The following UNC79 variants were observed in gnomAD, a reference collection of about 807,000 sequenced individuals.
UNC79 encodes the protein protein unc-79 homolog.
Under a neutral mutation model 283.1 loss-of-function variants are expected in UNC79, and 37 were observed. That is an observed-to-expected ratio of 0.13 (90% CI 0.10 to 0.17). The LOEUF is 0.17. Ranked by LOEUF, UNC79 falls within the 10% of genes least tolerant of loss-of-function variation. The pLI is 1.00. For missense variants in UNC79, 2,272 were observed against 3,211.1 expected, an observed-to-expected ratio of 0.71 and a Z score of 7.07; for synonymous variants, 1,107 against 1,200.2, an observed-to-expected ratio of 0.92 and a Z score of 1.61.
At chr14:93,372,860 ACATGTT>A (rs2054481665) in intron 1 of UNC79, among the ~76,000 whole-genome samples, 1 of 152,234 alleles carries the variant, frequency 6.6e-6, no homozygotes, top group African/African-American at 2.4e-5. Context: ...ACAGCAGAGT[ACATGTT>A]CTTCTCAAGG....
intron 1 of UNC79, among the ~76,000 whole-genome samples, chr14:93,340,263 A>C (rs562959214): frequency 6.6e-6 from 1 of 152,268 alleles, no homozygotes; most frequent in South Asian, 2.1e-4. Context: ...TAACGCGGTG[A>C]AATGCCATCT....
At chr14:93,673,137 A>G (rs973881766) in intron 40 of UNC79, among the ~76,000 whole-genome samples, 1 of 152,304 alleles carries the variant, frequency 6.6e-6, no homozygotes, top group East Asian at 1.9e-4. Context: ...CTTATCCATT[A>G]AATTATTTGT....
intron 7 of UNC79, among the ~76,000 whole-genome samples, chr14:93,505,356 A>G (rs921886092): frequency 1.3e-5 from 2 of 152,060 alleles, no homozygotes; most frequent in African/African-American, 4.8e-5. Flanking sequence ...GGTGTATACA[A>G]GTTTAGAATG....
intron 1 of UNC79, among the ~76,000 whole-genome samples, chr14:93,415,793 C>G (rs924197439): frequency 6.6e-6 from 1 of 150,854 alleles, no homozygotes; most frequent in Non-Finnish European, 1.5e-5. Context: ...TCTAGATTTT[C>G]TAGTTTATTT....
intron 14 of UNC79, among the ~76,000 whole-genome samples, chr14:93,565,859 C>T (rs2062844971): frequency 6.6e-6 from 1 of 152,198 alleles, no homozygotes; most frequent in Non-Finnish European, 1.5e-5. Flanking sequence ...ATCCATCCTG[C>T]ATGGGTGACT....
At chr14:93,534,596 G>A (rs7151505) in intron 11 of UNC79, among the ~76,000 whole-genome samples, 83,354 of 151,868 alleles carry the variant, frequency 0.55, 23,145 homozygotes, top group Admixed American at 0.63. Context: ...ATTAGACATC[G>A]CCTTATAACT....
rs2057682360 is a variant in UNC79 at position 93,474,390 on chromosome 14, C to T, written c.445C>T (p.His149Tyr). The change falls in exon 3 of 49, where the codon CAC becomes TAC. Residue 149 changes from histidine to tyrosine, a missense_variant. This residue lies in a region of UNC79 where 194 missense variants were observed against 268.9 expected (regional missense o/e 0.72). Coordinates refer to ENST00000555664, the Ensembl canonical transcript of UNC79. The surrounding 1 kb of genome is among the most constrained non-coding windows in gnomAD (Gnocchi z 4.1). ...AGTTCCTTTACTACAGCACGGCCAACACGGTGAGCACTTAGCTGAAACCTT... is the reference window on the plus strand; with the variant it reads ...AGTTCCTTTACTACAGCACGGCCAATACGGTGAGCACTTAGCTGAAACCTT... 6.5e-7 allele frequency: 1 copy of T among 1,533,816 alleles called. No homozygotes were observed. The highest frequency in any genetic ancestry group is 2.0e-5 in the Admixed American group (1 of 50,926).
At chr14:93,347,576 G>A (rs904116459) in intron 1 of UNC79, among the ~76,000 whole-genome samples, 5 of 152,136 alleles carry the variant, frequency 3.3e-5, no homozygotes, top group Admixed American at 1.3e-4. Flanking sequence ...CCTGGGAGAG[G>A]GTCGCGGTGA....
At chr14:93,702,618 A>T (rs552846430) in intron 47 of UNC79, among the ~76,000 whole-genome samples, 10 of 152,214 alleles carry the variant, frequency 6.6e-5, no homozygotes, top group Admixed American at 1.3e-4. Context: ...TATGGCTATG[A>T]CTAACTTTGA....
At chr14:93,600,809 T>C in intron 25 of UNC79, 39 bp downstream of exon 25, 1 of 1,599,416 alleles carries the variant, frequency 6.3e-7, no homozygotes, top group African/African-American at 1.3e-5. Flanking sequence ...CCGTTGCAGT[T>C]CCCATTGTGC....
chr14:93,361,211 C>CAAAAAAAAAAAAAAAAAAAAAAAAAAAA (rs58267219), intron 1 of UNC79, among the ~76,000 whole-genome samples: 1 of 54,382 alleles, frequency 1.8e-5, no homozygotes, highest in African/African-American at 7.5e-5. Flanking sequence ...GACTCTGTCT[C>CAAAAAAAAAAAAAAAAAAAAAAAAAAAA]AAAAAAAAAA....
chr14:93,655,018 T>C (rs889707764), intron 37 of UNC79, among the ~76,000 whole-genome samples: 3 of 152,206 alleles, frequency 2.0e-5, no homozygotes, highest in Non-Finnish European at 2.9e-5. Context: ...TTCCTATTTC[T>C]TGCTCACTTT....
chr14:93,482,900 C>G (rs2058212827), intron 4 of UNC79, among the ~76,000 whole-genome samples: 1 of 152,190 alleles, frequency 6.6e-6, no homozygotes, highest in Admixed American at 6.5e-5. Context: ...TCTTACAAAT[C>G]AAATTCAGTG....
intron 1 of UNC79, among the ~76,000 whole-genome samples, chr14:93,371,206 G>A (rs913857694): frequency 2.3e-4 from 35 of 151,918 alleles, no homozygotes; most frequent in African/African-American, 6.0e-4. Flanking sequence ...TGGCTAACAC[G>A]GTGAAACTCC....
intron 26 of UNC79, among the ~76,000 whole-genome samples, chr14:93,608,181 C>T (rs1181662696): frequency 6.6e-6 from 1 of 152,122 alleles, no homozygotes; most frequent in Admixed American, 6.5e-5. Flanking sequence ...TATTTTTCAC[C>T]TGCTGGACTA....
intron 1 of UNC79, among the ~76,000 whole-genome samples, chr14:93,457,905 T>C (rs2140199282): frequency 6.6e-6 from 1 of 152,134 alleles, no homozygotes; most frequent in East Asian, 1.9e-4. Flanking sequence ...ATGAAGGATG[T>C]AAAAATAGTG....
At chr14:93,693,582 T>C (rs946284366) in intron 46 of UNC79, among the ~76,000 whole-genome samples, 3 of 152,220 alleles carry the variant, frequency 2.0e-5, no homozygotes, top group Non-Finnish European at 4.4e-5. Context: ...ATGAGGGACA[T>C]CACCTCTACT....
At chr14:93,570,977 A>G (rs2063174343) in intron 14 of UNC79, among the ~76,000 whole-genome samples, 1 of 152,220 alleles carries the variant, frequency 6.6e-6, no homozygotes, top group South Asian at 2.1e-4. Flanking sequence ...CAACAACACA[A>G]CAGAAATTAT....
intron 22 of UNC79, among the ~76,000 whole-genome samples, chr14:93,592,899 A>C (rs1304620321): frequency 2.6e-5 from 4 of 152,028 alleles, no homozygotes; most frequent in African/African-American, 4.8e-5. Flanking sequence ...CTCCCTCCCC[A>C]TCTCATAGCC....
Sources: gnomAD v4.1 joint callset for allele counts (sites outside exome capture counted in the v4.1 genomes callset) on GRCh38, gnomAD v4.1.1 for gene constraint, gnomAD v4.1.1 regional missense constraint, Gnocchi (gnomAD v3.1) non-coding constraint, MANE v1.5 for transcripts, NCBI Gene and HGNC (gene_info 2026-07-23, HGNC 2026-07-21) for gene names.